AGO3: variants seen among roughly 807,000 people sequenced by gnomAD.
AGO3 encodes protein argonaute-3.
AGO3 carries 16 observed loss-of-function variants against 105.5 expected under a neutral mutation model. The observed-to-expected ratio is 0.15, with a 90% confidence interval of 0.10 to 0.23. The LOEUF (loss-of-function observed/expected upper bound fraction) is 0.23. Among genes scored for constraint, AGO3 ranks in the 10% least tolerant of loss-of-function variants. The pLI, the probability that AGO3 is intolerant of heterozygous loss-of-function variation, is 1.00. For synonymous variants in AGO3, 340 were observed against 367.3 expected (o/e 0.93, Z 0.85); for missense variants, 534 against 1,088.0 (o/e 0.49, Z 7.16).
intron 1 of AGO3, among the ~76,000 whole-genome samples, chr1:35,944,531 T>C (rs1030888308): frequency 6.6e-6 from 1 of 150,584 alleles, no homozygotes; most frequent in Non-Finnish European, 1.5e-5. Flanking sequence ...CTAGATTTTA[T>C]CAATTTTATT....
At chr1:36,009,737 G>A (rs1286504663) in intron 9 of AGO3, 143 bp downstream of exon 9, 2 of 899,950 alleles carry the variant, frequency 2.2e-6, no homozygotes, top group African/African-American at 1.7e-5. Flanking sequence ...GTAATCTAAT[G>A]TTCTTGATAC....
chr1:35,979,261 G>A (rs1257815371), intron 5 of AGO3, among the ~76,000 whole-genome samples: 1 of 152,118 alleles, frequency 6.6e-6, no homozygotes, highest in Non-Finnish European at 1.5e-5. Flanking sequence ...CTACTTGGGA[G>A]GCTGAGGCAG....
intron 12 of AGO3, among the ~76,000 whole-genome samples, chr1:36,032,992 C>T (rs944267917): frequency 1.3e-5 from 2 of 151,866 alleles, no homozygotes; most frequent in African/African-American, 4.8e-5. Flanking sequence ...ATTATCAGGG[C>T]ATGGTGGCAG....
intron 1 of AGO3, among the ~76,000 whole-genome samples, chr1:35,943,353 G>A (rs1237714261): frequency 1.3e-5 from 2 of 148,822 alleles, no homozygotes; most frequent in African/African-American, 2.5e-5. Context: ...CCAGGCTGGA[G>A]TGCAGTGGCA....
At chr1:35,975,314 T>C (rs1318909031) in intron 5 of AGO3, among the ~76,000 whole-genome samples, 1 of 152,210 alleles carries the variant, frequency 6.6e-6, no homozygotes, top group Non-Finnish European at 1.5e-5. Context: ...TTGTGTCTTC[T>C]TAATTTGTAT....
At chr1:35,939,626 A>G (rs1646216283) in intron 1 of AGO3, among the ~76,000 whole-genome samples, 1 of 152,196 alleles carries the variant, frequency 6.6e-6, no homozygotes, top group Non-Finnish European at 1.5e-5. Flanking sequence ...TCTATCAGAA[A>G]AAGTTAACTG....
intron 10 of AGO3, 78 bp downstream of exon 10, chr1:36,013,830 C>A: frequency 6.2e-7 from 1 of 1,600,440 alleles, no homozygotes; most frequent in South Asian, 1.1e-5. Flanking sequence ...AGAAATATTT[C>A]AATTCAGCGA....
Position 36,039,927 on chromosome 1 carries a change from C to T in AGO3, c.1980C>T (p.Phe660=), listed in dbSNP as rs1013969060. The T allele has an allele frequency of 1.2e-6, 2 of 1,613,896 alleles. No homozygotes were observed. The highest frequency in any genetic ancestry group is 2.7e-5 in the African/African-American group (2 of 74,886). The part of the protein sequence containing the change: ...LLIQFYKSTR[F]KPTRIIFYRD... ...TTCAATTTTATAAGTCAACTCGGTT[C>T]AAGCCTACTCGTATCATCTTTTATC... The change falls in exon 15 of 19, where the codon TTC becomes TTT. Residue 660 remains phenylalanine (F), a synonymous_variant. Transcript: ENST00000373191.
chr1:36,016,558 C>G (rs1640912637), intron 11 of AGO3, among the ~76,000 whole-genome samples: 1 of 152,006 alleles, frequency 6.6e-6, no homozygotes, highest in Admixed American at 6.6e-5. Context: ...TTAGGCAAAA[C>G]TTAATTTAAC....
At position 36,059,914 on chromosome 1, in the gene AGO3, G is replaced by A. The variant is rs1256209471; in HGVS notation, c.*4169G>A. 6.6e-6 allele frequency: 1 copy of A among 152,024 alleles called. No homozygotes were observed. The highest frequency in any genetic ancestry group is 1.5e-5 in the Non-Finnish European group (1 of 68,002). 9.4% of individuals were successfully genotyped at this position (152,024 alleles called of 1,614,324 possible). On this transcript the variant is annotated 3_prime_UTR_variant, in exon 19 of 19. Transcript: ENST00000373191. Reference sequence around the variant, plus strand: ...ATTTTGACTTTTACAGTTTGAAAAAGGGTACCTCAGCCTCTTCAGTACTGG... The same window carrying A: ...ATTTTGACTTTTACAGTTTGAAAAAAGGTACCTCAGCCTCTTCAGTACTGG...
chr1:35,982,117 C>T (rs771731506), intron 5 of AGO3, among the ~76,000 whole-genome samples: 3 of 152,108 alleles, frequency 2.0e-5, no homozygotes, highest in Admixed American at 1.3e-4. Flanking sequence ...TGAAGTCCAG[C>T]TTTGAAAATT....
rs1290340069 is a variant in AGO3 at position 36,070,415 on chromosome 1, G to A, written c.*14670G>A. Reference sequence around the variant, plus strand: ...TCTGATGCAGTTACCTTTATAGATCGTGGCAGGTCCTTACATTTCAACAGG... The same window carrying A: ...TCTGATGCAGTTACCTTTATAGATCATGGCAGGTCCTTACATTTCAACAGG... On this transcript the variant is annotated 3_prime_UTR_variant, in exon 19 of 19. Transcript: ENST00000373191. The A allele has an allele frequency of 1.3e-5, 2 of 152,164 alleles. No homozygotes were observed. Among genetic ancestry groups the A allele is most frequent in the Non-Finnish European group, 2.9e-5 (2 of 68,024 alleles). 9.4% of individuals were successfully genotyped at this position (152,164 alleles called of 1,614,324 possible). A position where few individuals can be genotyped will look rare whatever the true frequency, so the allele number is the denominator to read the frequency against.
At position 36,034,344 on chromosome 1, in the gene AGO3, CT is replaced by C; in HGVS notation, c.1751+12del. ...TGTACCTCATCAAAGGTAAGATATG[CT>C]AATCGCTTATGAAAATATTATTTTT... On this transcript the variant is annotated intron_variant, in intron 13 of 18. Coordinates refer to ENST00000373191, the MANE Select transcript of AGO3 (RefSeq NM_024852.4). The C allele has an allele frequency of 6.4e-7, 1 of 1,565,354 alleles. No homozygotes were observed. Among genetic ancestry groups the C allele is most frequent in the Non-Finnish European group, 8.6e-7 (1 of 1,156,238 alleles).
intron 11 of AGO3, among the ~76,000 whole-genome samples, chr1:36,018,418 C>G (rs2148824313): frequency 6.6e-6 from 1 of 152,066 alleles, no homozygotes; most frequent in Non-Finnish European, 1.5e-5. Flanking sequence ...GTAAACTTCT[C>G]TGTGTGTGAG....
rs188348368 is a variant in AGO3 at position 35,987,362 on chromosome 1, G to A, written c.658+13851G>A. On this transcript the variant is annotated intron_variant, in intron 5 of 18. Transcript: ENST00000373191. ...AAAAAAATTAGCCTGGCATGGTGGC[G>A]TGTGCCTGTAATCCCAGCTACTAGG... 2.8e-3 allele frequency among the ~76,000 whole-genome samples: 399 copies of A among 143,708 alleles called. 3 individuals carry two copies. Among genetic ancestry groups the A allele is most frequent in the African/African-American group, 9.5e-3 (367 of 38,500 alleles). 94.3% of individuals were successfully genotyped at this position (143,708 alleles called of 152,430 possible).
At chr1:35,991,068 C>T (rs1647597890) in intron 5 of AGO3, among the ~76,000 whole-genome samples, 1 of 152,126 alleles carries the variant, frequency 6.6e-6, no homozygotes, top group Non-Finnish European at 1.5e-5. Context: ...TTATGGGAGG[C>T]CGAGGTGGGC....
At chr1:35,951,878 A>G (rs1003269332) in intron 2 of AGO3, among the ~76,000 whole-genome samples, 1 of 152,120 alleles carries the variant, frequency 6.6e-6, no homozygotes, top group African/African-American at 2.4e-5. Flanking sequence ...AACTTGATGG[A>G]TATATAATTT....
At position 36,055,078 on chromosome 1, in the gene AGO3, C is replaced by T. The variant is rs1283500544; in HGVS notation, c.2407C>T (p.Pro803Ser). The change falls in exon 18 of 19, where the codon CCA becomes TCA. Residue 803 changes from proline to serine, a missense_variant. By Grantham distance (74) the Pro-to-Ser change is moderately conservative (BLOSUM62 -1). Transcript: ENST00000373191. The surrounding 1 kb of genome is among the most constrained non-coding windows in gnomAD (Gnocchi z 4.4). ...RCTRSVSIPA[P>S]AYYAHLVAFR... ...TACACGATCTGTTTCTATACCTGCA[C>T]CAGCGTATTATGCTCACCTGGTAGC... The T allele has an allele frequency of 1.2e-6, 2 of 1,614,044 alleles. No homozygotes were observed. Among genetic ancestry groups the T allele is most frequent in the South Asian group, 1.1e-5 (1 of 91,056 alleles).
intron 12 of AGO3, among the ~76,000 whole-genome samples, chr1:36,032,997 T>C (rs1453213643): frequency 1.3e-5 from 2 of 151,382 alleles, no homozygotes; most frequent in Non-Finnish European, 2.9e-5. Flanking sequence ...CAGGGCATGG[T>C]GGCAGGTGCC....
Sources: allele counts gnomAD v4.1 joint callset (sites outside exome capture counted in the v4.1 genomes callset), GRCh38; gene constraint gnomAD v4.1.1; non-coding constraint Gnocchi (gnomAD v3.1); transcripts MANE v1.5; gene names NCBI Gene and HGNC (gene_info 2026-07-23, HGNC 2026-07-21).